MZT2A: variants seen among roughly 807,000 people sequenced by gnomAD.
MZT2A encodes the protein mitotic spindle organizing protein 2A.
Under a neutral mutation model 12.4 loss-of-function variants are expected in MZT2A, and 8 were observed. The ratio of observed to expected loss-of-function variants is 0.64; its 90% CI spans 0.38 to 1.16. The LOEUF (loss-of-function observed/expected upper bound fraction) is 1.16. Ranked by LOEUF, MZT2A falls within the 50% of genes most tolerant of loss-of-function variation. The pLI, the probability that MZT2A is intolerant of heterozygous loss-of-function variation, is 0.01. For synonymous variants in MZT2A, 88 were observed against 107.5 expected (o/e 0.82, Z 1.12); for missense variants, 181 against 223.6 (o/e 0.81, Z 1.22).
intron 2 of MZT2A, chr2:131,490,520 G>A (rs1300320022): frequency 6.9e-7 from 1 of 1,456,100 alleles, no homozygotes; most frequent in African/African-American, 1.4e-5. Context: ...CGACTGTGGG[G>A]TCTAGAGACT....
At chr2:131,483,193 C>T (rs1030197263), downstream of MZT2A, among the ~76,000 whole-genome samples, 39 of 152,120 alleles carry the variant, frequency 2.6e-4, no homozygotes, top group African/African-American at 8.9e-4. Flanking sequence ...TGTGATTTTT[C>T]GGGCTTCTTT....
upstream of MZT2A, chr2:131,492,750 C>T: frequency 7.6e-7 from 1 of 1,311,092 alleles, no homozygotes; most frequent in South Asian, 1.4e-5. Flanking sequence ...ATTTTCTGGT[C>T]CGCACCGGTG....
upstream of MZT2A, chr2:131,492,577 T>C (rs1679386758): frequency 5.1e-6 from 6 of 1,179,430 alleles, no homozygotes; most frequent in Non-Finnish European, 6.3e-6. Flanking sequence ...AGCGGCGCGC[T>C]AGGCGTCGGG....
chr2:131,490,861 G>A (rs1679266118), intron 2 of MZT2A: 4 of 1,550,070 alleles, frequency 2.6e-6, no homozygotes, highest in Admixed American at 3.9e-5. Context: ...TTGCAGGGGG[G>A]CTACTGTTCC....
chr2:131,474,504 G>T (rs188097019), intron 2 of MZT2A, among the ~76,000 whole-genome samples: 14 of 150,224 alleles, frequency 9.3e-5, no homozygotes, highest in Admixed American at 7.4e-4. Flanking sequence ...CCGCCTCCCG[G>T]GTTCAAGTGA....
At chr2:131,486,991 G>T (rs1393092085) in intron 2 of MZT2A, among the ~76,000 whole-genome samples, 1 of 152,180 alleles carries the variant, frequency 6.6e-6, no homozygotes, top group Non-Finnish European at 1.5e-5. Context: ...GCAGTGCCTT[G>T]CAGTGGGGAA....
upstream of MZT2A, among the ~76,000 whole-genome samples, chr2:131,493,315 C>T (rs1240016984): frequency 1.3e-5 from 2 of 152,228 alleles, no homozygotes; most frequent in Non-Finnish European, 2.9e-5. Flanking sequence ...TCCTGCCACT[C>T]CTCTGGGCCA....
At chr2:131,485,099 C>T (rs1028193290) in intron 2 of MZT2A, among the ~76,000 whole-genome samples, 19 of 152,164 alleles carry the variant, frequency 1.2e-4, no homozygotes, top group African/African-American at 4.6e-4. Flanking sequence ...GTCACAGCCC[C>T]CCATGCGGAG....
At chr2:131,482,756 G>A (rs1306118894), downstream of MZT2A, 12 of 1,614,078 alleles carry the variant, frequency 7.4e-6, no homozygotes, top group Admixed American at 5.0e-5. Context: ...GTTCTCTGAG[G>A]CCCGCGAGGA....
At chr2:131,489,169 C>T (rs181525869) in intron 2 of MZT2A, among the ~76,000 whole-genome samples, 271 of 152,284 alleles carry the variant, frequency 1.8e-3, no homozygotes, top group Non-Finnish European at 3.1e-3. Context: ...CTCCCAACTC[C>T]ATTGCTAGTG....
At chr2:131,479,541 A>G, downstream of MZT2A, 2 of 1,579,150 alleles carry the variant, frequency 1.3e-6, no homozygotes, top group Non-Finnish European at 1.7e-6. Context: ...TTTTATCAAC[A>G]CTTAGACCAG....
intron 2 of MZT2A, chr2:131,478,538 G>A (rs1203540050): frequency 2.1e-6 from 3 of 1,396,198 alleles, no homozygotes; most frequent in Non-Finnish European, 2.9e-6. Context: ...TGAAAGGTTC[G>A]TGATCAAAGT....
chr2:131,473,994 G>C (rs1486730145), intron 2 of MZT2A, among the ~76,000 whole-genome samples: 1 of 149,382 alleles, frequency 6.7e-6, no homozygotes, highest in Non-Finnish European at 1.5e-5. Flanking sequence ...ATGCCCTGGG[G>C]TGACTGTTTA....
intron 2 of MZT2A, chr2:131,476,080 G>A: frequency 3.9e-6 from 6 of 1,527,676 alleles, no homozygotes; most frequent in Non-Finnish European, 5.3e-6. Context: ...TGGCGGCCTG[G>A]CACCGGCGGG....
At chr2:131,477,430 A>C (rs1333035071) in intron 2 of MZT2A, among the ~76,000 whole-genome samples, 3 of 152,054 alleles carry the variant, frequency 2.0e-5, no homozygotes, top group South Asian at 2.1e-4. Context: ...AGAGAGAGGG[A>C]GTGGTTACAA....
chr2:131,473,824 C>G (rs1334585133), intron 2 of MZT2A, among the ~76,000 whole-genome samples: 2 of 146,854 alleles, frequency 1.4e-5, no homozygotes, highest in Admixed American at 1.3e-4. Context: ...CTTCCCGGGA[C>G]AGGGGTGTGC....
chr2:131,478,190 G>T, intron 2 of MZT2A: 1 of 1,613,384 alleles, frequency 6.2e-7, no homozygotes, highest in Non-Finnish European at 8.5e-7. Flanking sequence ...TCCACGTGGG[G>T]CAGGCGGGTG....
At chr2:131,480,041 T>A, downstream of MZT2A, 1 of 1,546,940 alleles carries the variant, frequency 6.5e-7, no homozygotes, top group Non-Finnish European at 8.7e-7. Context: ...TCCATGGGCA[T>A]TGGCTCACGT....
At chr2:131,493,254 G>A, upstream of MZT2A, 1 of 1,353,486 alleles carries the variant, frequency 7.4e-7, no homozygotes, top group South Asian at 1.8e-5. Flanking sequence ...GCGGCCCGGC[G>A]GCTCTGCCCA....
Sources: gnomAD v4.1 joint callset for allele counts (sites outside exome capture counted in the v4.1 genomes callset) on GRCh38, gnomAD v4.1.1 for gene constraint, MANE v1.5 for transcripts, NCBI Gene and HGNC (gene_info 2026-07-23, HGNC 2026-07-21) for gene names.